ODAD1: variants seen among roughly 807,000 people sequenced by gnomAD.
ODAD1 encodes the protein outer dynein arm docking complex subunit 1.
ODAD1 carries 49 observed loss-of-function variants against 67.2 expected under a neutral mutation model. The ratio of observed to expected loss-of-function variants is 0.73; its 90% CI spans 0.58 to 0.92. The LOEUF is 0.92. ODAD1 is among the 40% of genes least tolerant of loss of function. The pLI is 0.00. For synonymous variants in ODAD1, 345 were observed against 393.7 expected (o/e 0.88, Z 1.46); for missense variants, 897 against 953.7 (o/e 0.94, Z 0.78).
At chr19:48,303,507 G>T in intron 10 of ODAD1, 143 bp downstream of exon 10, 2 of 989,790 alleles carry the variant, frequency 2.0e-6, no homozygotes, top group Non-Finnish European at 1.5e-6. Flanking sequence ...CAGTGGACGC[G>T]GGCGGCGGGT....
rs775799346 is a variant in ODAD1, at chr19:48,303,783, G to C, written c.855C>G (p.Ala285=). The C allele has an allele frequency of 3.1e-6, 5 of 1,606,674 alleles. 1 individual carries two copies. In the South Asian group the frequency reaches 5.6e-5, roughly 18 times the overall value. Residue 285 remains alanine, a splice_region_variant and synonymous_variant, in exon 10 of 16, where the codon GCC becomes GCG. Transcript: ENST00000674294. Reference sequence around the variant, plus strand: ...TCCAGACGCCCTCGGCCACCTCCCCGGCTAGGGGAAGAGAGAACAGCAGGT... The same window carrying C: ...TCCAGACGCCCTCGGCCACCTCCCCCGCTAGGGGAAGAGAGAACAGCAGGT... ...PDVLEKREKQ[A]GEVAEGVWKT...
chr19:48,311,438 G>C lies in ODAD1; in HGVS notation c.597+115C>G, dbSNP rs141209509. 98 of 659,476 alleles carry C rather than the reference G, an allele frequency of 1.5e-4. 1 individual carries two copies. In the East Asian group the frequency reaches 2.7e-3, roughly 18 times the overall value. The allele number at this position is 659,476 out of a possible 1,614,324, so 40.9% of individuals were successfully genotyped here. On this transcript the variant is annotated intron_variant, in intron 7 of 15. Transcript: ENST00000674294. ...CCTTTTGGACTAAAGCAAGCCTACC[G>C]CTCTAGTCAATCCCATACTTGAGGC...
intron 5 of ODAD1, among the ~76,000 whole-genome samples, chr19:48,316,461 T>G (rs1045797197): frequency 1.2e-4 from 19 of 152,208 alleles, no homozygotes; most frequent in South Asian, 1.2e-3. Flanking sequence ...CAGTGGAGTA[T>G]GAGAGTTCTG....
chr19:48,303,485 A>G, intron 10 of ODAD1, 165 bp downstream of exon 10: 1 of 772,440 alleles, frequency 1.3e-6, no homozygotes, highest in Non-Finnish European at 2.1e-6. Flanking sequence ...AGACAGGGCC[A>G]CGGTAAGACG....
At chr19:48,311,927 A>C in intron 6 of ODAD1, 67 bp downstream of exon 6, 13 of 1,460,352 alleles carry the variant, frequency 8.9e-6, no homozygotes, top group Non-Finnish European at 1.1e-5. Context: ...CCAGAATCCA[A>C]TGACCATGCC....
Position 48,300,426 on chromosome 19 carries a change from A to G in ODAD1, c.1241-2086T>C, listed in dbSNP as rs115773991. Among the ~76,000 whole-genome samples the G allele has an allele frequency of 1.8e-3, 273 of 152,336 alleles. 1 individual carries two copies. Among genetic ancestry groups the G allele is most frequent in the African/African-American group, 6.3e-3 (261 of 41,580 alleles). On this transcript the variant is annotated intron_variant, in intron 12 of 15. Coordinates refer to ENST00000674294, the MANE Select transcript of ODAD1 (RefSeq NM_001364171.2). ...AGACTTCAATGTGGGAGTTCAAACA[A>G]TGAAACTTCTAGGAGAAAACACAGC...
Position 48,304,108 on chromosome 19 carries a change from C to T in ODAD1, c.698G>A (p.Arg233Gln), listed in dbSNP as rs199960441. ...EEAKAKMGLLRERAEKEEAQS... is the reference protein window; with the variant it reads ...EEAKAKMGLLQERAEKEEAQS... ...GGCCTCCTCTTTCTCCGCGCGCTCC[C>T]GCAGCAAGCCCATCTTGGCCTTCGC... Residue 233 changes from arginine (R) to glutamine (Q), a missense_variant, in exon 9 of 16, where the codon CGG becomes CAG. Physicochemically the swap from Arg to Gln is conservative, Grantham distance 43. Transcript: ENST00000674294. The T allele has an allele frequency of 1.3e-5, 21 of 1,612,362 alleles. No individual in the cohort carries two copies. The East Asian group carries it at 3.1e-4, about 24-fold the overall frequency.
At chr19:48,312,414 T>TG (rs1968788297) in intron 5 of ODAD1, among the ~76,000 whole-genome samples, 3 of 7,802 alleles carry the variant, frequency 3.8e-4, no homozygotes, top group African/African-American at 1.1e-3. Context: ...TTTTTTTTGT[T>TG]TTTTTTTTTT....
chr19:48,307,659 C>G (rs1264293323), intron 7 of ODAD1, among the ~76,000 whole-genome samples: 1 of 151,796 alleles, frequency 6.6e-6, no homozygotes, highest in East Asian at 1.9e-4. Flanking sequence ...ACTAAAAATA[C>G]AAAAAATTAG....
In ODAD1 at chr19:48,320,385, G is replaced by A. The variant is rs1374239971; in HGVS notation, c.-17C>T. The stretch of plus-strand genomic sequence containing the variant: ...CAAAGGCATCCTGGCCAAACAGGGT[G>A]GGGCTCCTGTAGGGATGGACATATA... On this transcript the variant is annotated 5_prime_UTR_variant, in exon 3 of 16. Coordinates refer to ENST00000674294, the MANE Select transcript of ODAD1 (RefSeq NM_001364171.2). 7.8e-7 allele frequency: 1 copy of A among 1,286,684 alleles called. No homozygotes were observed. Among genetic ancestry groups the A allele is most frequent in the Non-Finnish European group, 1.0e-6 (1 of 986,948 alleles). 79.7% of individuals were successfully genotyped at this position (1,286,684 alleles called of 1,614,324 possible).
At chr19:48,299,929 A>G (rs1968414752) in intron 12 of ODAD1, among the ~76,000 whole-genome samples, 1 of 151,696 alleles carries the variant, frequency 6.6e-6, no homozygotes, top group African/African-American at 2.4e-5. Context: ...TAATCCCAGC[A>G]CTTTGGGAGT....
rs766968324 is a variant in ODAD1, at chr19:48,298,345, G to A, written c.1241-5C>T. On this transcript the variant is annotated splice_region_variant and splice_polypyrimidine_tract_variant and intron_variant, in intron 12 of 15. Coordinates refer to ENST00000674294, the MANE Select transcript of ODAD1 (RefSeq NM_001364171.2). ...TGGTGAAGAGGAGCTGGATATCTGCGTCATGGAGGGCCGGTTGTCAGGGAT... is the reference window on the plus strand; with the variant it reads ...TGGTGAAGAGGAGCTGGATATCTGCATCATGGAGGGCCGGTTGTCAGGGAT... 13 of 1,613,778 alleles carry A rather than the reference G, an allele frequency of 8.1e-6. No individual in the cohort carries two copies. The highest frequency in any genetic ancestry group is 4.5e-5 in the East Asian group (2 of 44,882).
At chr19:48,321,328 G>T (rs1024686199) in intron 1 of ODAD1, among the ~76,000 whole-genome samples, 1 of 152,226 alleles carries the variant, frequency 6.6e-6, no homozygotes, top group South Asian at 2.1e-4. Context: ...GTGCTGCGGA[G>T]CCCTGAGAGG....
At chr19:48,320,854 G>A (rs1193090670) in intron 1 of ODAD1, 43 bp from the exon 2 acceptor site, 1 of 154,092 alleles carries the variant, frequency 6.5e-6, no homozygotes, top group African/African-American at 2.4e-5. Context: ...ACAGCGGCCA[G>A]GGAGGGACTG....
chr19:48,306,427 A>G, intron 7 of ODAD1, 104 bp from the exon 8 acceptor site: 1 of 977,862 alleles, frequency 1.0e-6, no homozygotes, highest in Non-Finnish European at 1.6e-6. Flanking sequence ...AAAGCTCTTG[A>G]GCCTTCCAAA....
intron 12 of ODAD1, among the ~76,000 whole-genome samples, chr19:48,300,010 T>A (rs902507422): frequency 5.9e-5 from 8 of 135,886 alleles, no homozygotes; most frequent in African/African-American, 2.2e-4. Flanking sequence ...ATCCTATCTC[T>A]AAAAAAAAAA....
intron 5 of ODAD1, among the ~76,000 whole-genome samples, chr19:48,317,798 C>T (rs1412569906): frequency 4.6e-5 from 7 of 151,912 alleles, no homozygotes; most frequent in Admixed American, 2.6e-4. Context: ...CCTGGCCGAG[C>T]ACAGTGGCTC....
chr19:48,306,325 T>TG lies in ODAD1; in HGVS notation c.598-3dup. On this transcript the variant is annotated splice_region_variant and splice_polypyrimidine_tract_variant and intron_variant, in intron 7 of 15. Transcript: ENST00000674294. ...CAGGTGATGCAGGTGGTGGATCTCC[T>TG]GTGGGGGGAGGAGAAAAAAATCAGT... is the stretch of plus-strand genomic sequence containing the variant. 1 of 1,550,568 alleles carries TG rather than the reference T, an allele frequency of 6.4e-7. No individual in the cohort carries two copies. The highest frequency in any genetic ancestry group is 2.0e-5 in the Admixed American group (1 of 50,976).
intron 14 of ODAD1, 64 bp downstream of exon 14, chr19:48,297,936 G>C: frequency 3.0e-6 from 4 of 1,322,596 alleles, no homozygotes; most frequent in African/African-American, 1.5e-5. Context: ...TCTCTATCCT[G>C]TGTGTTCCCT....
Sources: allele counts gnomAD v4.1 joint callset (sites outside exome capture counted in the v4.1 genomes callset), GRCh38; gene constraint gnomAD v4.1.1; transcripts MANE v1.5; gene names NCBI Gene and HGNC (gene_info 2026-07-23, HGNC 2026-07-21).